Variants in SORL1 observed in about 807,000 individuals in gnomAD.
SORL1 encodes sortilin related receptor 1.
A neutral mutation model predicts 273.7 loss-of-function variants in SORL1; 127 were observed. The ratio of observed to expected loss-of-function variants is 0.46; its 90% CI spans 0.40 to 0.54. The LOEUF (loss-of-function observed/expected upper bound fraction) is 0.54. Ranked by LOEUF, SORL1 falls within the 20% of genes least tolerant of loss-of-function variation. SORL1 has a pLI of 0.00. For synonymous variants in SORL1, 1,031 were observed against 1,067.4 expected (o/e 0.97, Z 0.66); for missense variants, 2,494 against 2,846.1 (o/e 0.88, Z 2.81).
At position 121,522,139 on chromosome 11, in the gene SORL1, A is replaced by G. The variant is rs541258079; in HGVS notation, c.1405-447A>G. 2.6e-5 allele frequency among the ~76,000 whole-genome samples: 4 copies of G among 152,332 alleles called. No individual in the cohort carries two copies. In the East Asian group the frequency reaches 7.7e-4, roughly 29 times the overall value. On this transcript the variant is annotated intron_variant, in intron 9 of 47. Transcript: ENST00000260197. ...TCAGGGGAGCTTTTCCATGAGACTT[A>G]TGACTTCTGATTCTTGGTCTTTCTT...
chr11:121,496,859 T>A lies in SORL1; in HGVS notation c.759-10T>A, dbSNP rs985479251. 3.8e-6 allele frequency: 6 copies of A among 1,574,888 alleles called. No homozygotes were observed. The highest frequency in any genetic ancestry group is 5.2e-6 in the Non-Finnish European group (6 of 1,164,724). On this transcript the variant is annotated splice_polypyrimidine_tract_variant and intron_variant, in intron 5 of 47. Coordinates refer to ENST00000260197, the MANE Select transcript of SORL1 (RefSeq NM_003105.6). ...CAAATGATAACAACCTTTTTTTTTT[T>A]TTCTGCCAGGGGAATTGATCCCTAT...
At position 121,555,279 on chromosome 11, in the gene SORL1, G is replaced by A. The variant is rs761811623; in HGVS notation, c.2532G>A (p.Gln844=). The stretch of plus-strand genomic sequence containing the variant: ...CTTTGGCTTTTGAACCCCTCAGCCA[G>A]CTGCTTTACTGGGTAGATGCAGGCT... ...VEALAFEPLS[Q]LLYWVDAGFK... The change falls in exon 18 of 48, where the codon CAG becomes CAA. Residue 844 remains glutamine (Q), a synonymous_variant. Transcript: ENST00000260197. 1.9e-5 allele frequency: 30 copies of A among 1,614,098 alleles called. No homozygotes were observed. The highest frequency in any genetic ancestry group is 2.5e-5 in the Non-Finnish European group (30 of 1,179,940).
At chr11:121,590,528 G>A (rs1347527534) in intron 30 of SORL1, 5 of 520,296 alleles carry the variant, frequency 9.6e-6, no homozygotes, top group African/African-American at 3.8e-5. Context: ...ATGCTAATAA[G>A]CCCCCAGGTC....
At chr11:121,613,768 A>G (rs1863601440) in intron 40 of SORL1, among the ~76,000 whole-genome samples, 2 of 152,210 alleles carry the variant, frequency 1.3e-5, no homozygotes, top group Admixed American at 1.3e-4. Context: ...ATTGGAACCC[A>G]CATCTTTCTA....
At chr11:121,588,694 C>T (rs920883676) in intron 28 of SORL1, among the ~76,000 whole-genome samples, 2 of 152,186 alleles carry the variant, frequency 1.3e-5, no homozygotes, top group African/African-American at 4.8e-5. Flanking sequence ...CAGAGTACCA[C>T]AGACCAGATG....
At chr11:121,510,594 C>T (rs984115334) in intron 6 of SORL1, among the ~76,000 whole-genome samples, 12 of 152,330 alleles carry the variant, frequency 7.9e-5, no homozygotes, top group African/African-American at 2.9e-4. Flanking sequence ...AGAAATCCAG[C>T]ACGAAACTTC....
chr11:121,545,453 G>A (rs1862411824), intron 14 of SORL1, 24 bp downstream of exon 14: 1 of 1,610,788 alleles, frequency 6.2e-7, no homozygotes. Flanking sequence ...TGATGGCTGG[G>A]GACTGAGTTG....
At chr11:121,567,607 T>C (rs1024835102) in intron 22 of SORL1, among the ~76,000 whole-genome samples, 3 of 152,238 alleles carry the variant, frequency 2.0e-5, no homozygotes, top group African/African-American at 7.2e-5. Context: ...TTCAGACCAA[T>C]GTTTGCAAAG....
At chr11:121,583,408 GGGGGATGGAGATGA>G in intron 25 of SORL1, 36 bp from the exon 26 acceptor site, 1 of 1,570,882 alleles carries the variant, frequency 6.4e-7, no homozygotes, top group Non-Finnish European at 8.6e-7. Flanking sequence ...GACAGTTGGT[GGGGGATGGAGATGA>G]GGGGTGTGCG....
intron 24 of SORL1, chr11:121,576,977 C>T: frequency 6.7e-7 from 1 of 1,498,660 alleles, no homozygotes; most frequent in Non-Finnish European, 9.0e-7. Flanking sequence ...TCATAGCAAG[C>T]ATAGAAAATA....
intron 21 of SORL1, 124 bp downstream of exon 21, chr11:121,559,781 A>C: frequency 1.3e-6 from 1 of 755,320 alleles, no homozygotes; most frequent in Non-Finnish European, 2.2e-6. Context: ...CAACATGCAC[A>C]TTATTTAATT....
chr11:121,595,679 T>G lies in SORL1; in HGVS notation c.4426T>G (p.Phe1476Val), dbSNP rs1863284094. 4 of 1,613,530 alleles carry G rather than the reference T, an allele frequency of 2.5e-6. No individual in the cohort carries two copies. Among genetic ancestry groups the G allele is most frequent in the Non-Finnish European group, 3.4e-6 (4 of 1,179,822 alleles). Residue 1476 changes from phenylalanine (F) to valine (V), a missense_variant, in exon 32 of 48, where the codon TTC (phenylalanine) becomes GTC (valine). By Grantham distance (50) the Phe-to-Val change is conservative. Around this residue, in one of 3 missense-constraint regions of SORL1, gnomAD observed 1,609 missense variants for 1,816.4 expected, o/e 0.89. Coordinates refer to ENST00000260197, the MANE Select transcript of SORL1 (RefSeq NM_003105.6). This position sits in a 1 kb window ranked among gnomAD's most constrained non-coding sequence, Gnocchi z 5.1. ...ACTTGGGCGATGTGACCGATTTGAG[T>G]TCGAATGCCACCAACCGAAGACGTG... Reference protein sequence around the residue: ...TQLGRCDRFEFECHQPKTCIP... With the variant: ...TQLGRCDRFEVECHQPKTCIP...
At chr11:121,462,376 C>A (rs536307388) in intron 1 of SORL1, among the ~76,000 whole-genome samples, 5 of 152,124 alleles carry the variant, frequency 3.3e-5, no homozygotes, top group African/African-American at 9.7e-5. Context: ...CTTTTCCATC[C>A]CCTTTTCCCT....
At chr11:121,508,263 C>G (rs1591305122) in intron 6 of SORL1, among the ~76,000 whole-genome samples, 1 of 152,334 alleles carries the variant, frequency 6.6e-6, no homozygotes, top group East Asian at 1.9e-4. Flanking sequence ...TCATTTCTTT[C>G]TTGAGCATAC....
chr11:121,560,390 C>G (rs1280326145), intron 21 of SORL1, among the ~76,000 whole-genome samples: 2 of 152,178 alleles, frequency 1.3e-5, no homozygotes, highest in Non-Finnish European at 2.9e-5. Context: ...TGAGACTATT[C>G]AGTGGAAAGC....
At position 121,550,731 on chromosome 11, in the gene SORL1, C is replaced by A; in HGVS notation, c.2266+61C>A. The A allele has an allele frequency of 7.4e-7, 1 of 1,357,868 alleles. No individual in the cohort carries two copies. Among genetic ancestry groups the A allele is most frequent in the East Asian group, 2.3e-5 (1 of 43,166 alleles). 84.1% of individuals were successfully genotyped at this position (1,357,868 alleles called of 1,614,324 possible). ...GACATGGTTGAAGCAGTATCACGATCTCACCCAAGTCCGGGCTTGTGGCTC... is the reference window on the plus strand; with the variant it reads ...GACATGGTTGAAGCAGTATCACGATATCACCCAAGTCCGGGCTTGTGGCTC... On this transcript the variant is annotated intron_variant, in intron 16 of 47. Coordinates refer to ENST00000260197, the MANE Select transcript of SORL1 (RefSeq NM_003105.6). The surrounding 1 kb of genome is among the most constrained non-coding windows in gnomAD (Gnocchi z 5.3).
intron 14 of SORL1, 89 bp downstream of exon 14, chr11:121,545,518 T>TTCCTTTGCTCAGG: frequency 8.1e-7 from 1 of 1,228,816 alleles, no homozygotes; most frequent in Non-Finnish European, 1.2e-6. Flanking sequence ...TCCCTTTCCC[T>TTCCTTTGCTCAGG]GAGCAAAGGA....
rs1443927100 is a variant in SORL1 at position 121,532,539 on chromosome 11, A to T, written c.1672A>T (p.Thr558Ser). 8.7e-6 allele frequency: 14 copies of T among 1,614,108 alleles called. No individual in the cohort carries two copies. The highest frequency in any genetic ancestry group is 1.2e-5 in the Non-Finnish European group (14 of 1,179,952). Residue 558 changes from threonine to serine, a missense_variant, in exon 12 of 48, where the codon ACC becomes TCC. Coordinates refer to ENST00000260197, the MANE Select transcript of SORL1 (RefSeq NM_003105.6). ...IITAIAQGME[T>S]NELKYSTNEG... Reference sequence around the variant, plus strand: ...CACGGCCATTGCCCAGGGCATGGAAACCAACGAGCTAAAGTAAGTGTCTCT... The same window carrying T: ...CACGGCCATTGCCCAGGGCATGGAATCCAACGAGCTAAAGTAAGTGTCTCT...
chr11:121,514,433 C>A (rs1265636929), intron 8 of SORL1, 112 bp downstream of exon 8: 9 of 1,074,356 alleles, frequency 8.4e-6, no homozygotes, highest in Admixed American at 2.8e-5. Context: ...ACCCGGGGAG[C>A]TTTCGGAAAC....
Sources: allele counts gnomAD v4.1 joint callset (sites outside exome capture counted in the v4.1 genomes callset), GRCh38; gene constraint gnomAD v4.1.1; regional missense constraint gnomAD v4.1.1; non-coding constraint Gnocchi (gnomAD v3.1); transcripts MANE v1.5; gene names NCBI Gene and HGNC (gene_info 2026-07-23, HGNC 2026-07-21).